The following MARCHF3 variants were observed in gnomAD, a reference collection of about 807,000 sequenced individuals.
MARCHF3 encodes membrane associated ring-CH-type finger 3, also known as E3 ubiquitin-protein ligase MARCHF3.
MARCHF3 carries 13 observed loss-of-function variants against 24.2 expected under a neutral mutation model. That is an observed-to-expected ratio of 0.54 (90% confidence interval 0.35 to 0.85). MARCHF3 has a LOEUF of 0.85. MARCHF3 is among the 40% of genes least tolerant of loss of function. MARCHF3 has a pLI of 0.01. For synonymous variants in MARCHF3, 144 were observed against 137.3 expected, an observed-to-expected ratio of 1.05 and a Z score of -0.34; for missense variants, 276 against 325.0, an observed-to-expected ratio of 0.85 and a Z score of 1.16.
intron 1 of MARCHF3, among the ~76,000 whole-genome samples, chr5:126,921,732 T>C (rs965957004): frequency 6.6e-6 from 1 of 152,204 alleles, no homozygotes; most frequent in Non-Finnish European, 1.5e-5. Context: ...ATGTGCAAAC[T>C]TAAAACATCA....
chr5:126,883,228 G>A (rs976842020), intron 3 of MARCHF3, among the ~76,000 whole-genome samples: 1 of 152,136 alleles, frequency 6.6e-6, no homozygotes, highest in African/African-American at 2.4e-5. Flanking sequence ...TAAAAGCCAA[G>A]GTCAATGATT....
intron 1 of MARCHF3, among the ~76,000 whole-genome samples, chr5:126,960,824 CTT>C (rs1293652180): frequency 2.0e-5 from 3 of 152,066 alleles, no homozygotes; most frequent in African/African-American, 7.2e-5. Context: ...TATATATCAT[CTT>C]GTTTCCACTG....
intron 1 of MARCHF3, among the ~76,000 whole-genome samples, chr5:126,957,457 T>C (rs1363232204): frequency 6.6e-6 from 1 of 152,226 alleles, no homozygotes; most frequent in Non-Finnish European, 1.5e-5. Flanking sequence ...CCTAGATTTT[T>C]CTATAGCTTT....
At chr5:126,984,166 A>G (rs967423466) in intron 1 of MARCHF3, among the ~76,000 whole-genome samples, 7 of 152,170 alleles carry the variant, frequency 4.6e-5, no homozygotes, top group African/African-American at 1.7e-4. Flanking sequence ...CCATTCCCTG[A>G]GAAGGCAATG....
At chr5:126,973,991 G>A (rs1251247694) in intron 1 of MARCHF3, among the ~76,000 whole-genome samples, 14 of 141,726 alleles carry the variant, frequency 9.9e-5, no homozygotes, top group East Asian at 8.9e-4. Context: ...TCCACTTCCC[G>A]GGTTCACGCC....
chr5:126,957,114 T>C (rs1750475342), intron 1 of MARCHF3, among the ~76,000 whole-genome samples: 2 of 152,200 alleles, frequency 1.3e-5, no homozygotes, highest in Admixed American at 6.5e-5. Context: ...TTAGTAAATA[T>C]ACATTAAGTA....
chr5:127,003,820 C>T (rs1197286225), intron 1 of MARCHF3, among the ~76,000 whole-genome samples: 1 of 152,206 alleles, frequency 6.6e-6, no homozygotes, highest in Non-Finnish European at 1.5e-5. Flanking sequence ...ATTTGTCGTA[C>T]ACAGTTGTGC....
chr5:126,914,865 G>A, intron 3 of MARCHF3, 65 bp downstream of exon 3: 1 of 1,531,288 alleles, frequency 6.5e-7, no homozygotes, highest in Non-Finnish European at 9.0e-7. Flanking sequence ...TTGTGATCCA[G>A]GCATAAAAAC....
At chr5:127,018,253 C>G (rs1315507445) in intron 1 of MARCHF3, among the ~76,000 whole-genome samples, 1 of 152,034 alleles carries the variant, frequency 6.6e-6, no homozygotes, top group African/African-American at 2.4e-5. Context: ...CGCCTGTAAT[C>G]CTAGCTGCTA....
intron 4 of MARCHF3, among the ~76,000 whole-genome samples, chr5:126,875,435 G>A (rs1413471781): frequency 3.3e-5 from 5 of 152,240 alleles, no homozygotes; most frequent in Non-Finnish European, 5.9e-5. Context: ...GCTCCTCTGA[G>A]GAGCCAGGCT....
At chr5:126,940,499 G>T (rs970056370) in intron 1 of MARCHF3, among the ~76,000 whole-genome samples, 1 of 152,036 alleles carries the variant, frequency 6.6e-6, no homozygotes, top group Admixed American at 6.6e-5. Flanking sequence ...CCGGGCTGGG[G>T]TGTAGTGGTG....
At chr5:126,880,777 C>G (rs773986735) in intron 3 of MARCHF3, among the ~76,000 whole-genome samples, 8 of 152,208 alleles carry the variant, frequency 5.3e-5, no homozygotes, top group Non-Finnish European at 7.4e-5. Flanking sequence ...CCTCATGGTT[C>G]AGGTTTTCCC....
intron 3 of MARCHF3, chr5:126,898,756 A>G (rs1429598884): frequency 1.6e-6 from 1 of 622,592 alleles, no homozygotes; most frequent in Non-Finnish European, 2.0e-6. Context: ...TATAAGTTAT[A>G]TTAGCCATTT....
chr5:126,912,427 A>G (rs980894474), intron 3 of MARCHF3, among the ~76,000 whole-genome samples: 2 of 152,348 alleles, frequency 1.3e-5, no homozygotes, highest in Non-Finnish European at 2.9e-5. Flanking sequence ...CGATTTTGAA[A>G]TTAAATGTTA....
intron 1 of MARCHF3, among the ~76,000 whole-genome samples, chr5:126,958,259 T>C (rs536023056): frequency 1.3e-5 from 2 of 152,154 alleles, no homozygotes; most frequent in African/African-American, 2.4e-5. Flanking sequence ...TGACAGGGAA[T>C]ATCTTTGTCT....
intron 1 of MARCHF3, among the ~76,000 whole-genome samples, chr5:126,975,757 C>T (rs77250460): frequency 0.014 from 2,063 of 152,290 alleles, 51 homozygotes; most frequent in African/African-American, 0.048. Context: ...GTGGGTGAAG[C>T]TAAAACCCAG....
In MARCHF3 at chr5:126,980,259, T is replaced by C. The variant is rs111649914; in HGVS notation, c.-57+50091A>G. Among the ~76,000 whole-genome samples, 897 of 152,286 alleles carry C rather than the reference T, an allele frequency of 5.9e-3. 10 individuals are homozygous for C. The highest frequency in any genetic ancestry group is 0.021 in the African/African-American group (873 of 41,556). ...GCCATGTGGGAGCCCTAATCCATTA[T>C]GAAGGGAATAGCCACTCCTTGGCCC... On this transcript the variant is annotated intron_variant, in intron 1 of 4. Transcript: ENST00000308660.
chr5:126,969,480 C>CA (rs1467877319), intron 1 of MARCHF3, among the ~76,000 whole-genome samples: 1 of 152,192 alleles, frequency 6.6e-6, no homozygotes, highest in Non-Finnish European at 1.5e-5. Context: ...TTTAAAAACA[C>CA]AGACTGTTAT....
chr5:126,887,901 T>C (rs1753555936), intron 3 of MARCHF3, among the ~76,000 whole-genome samples: 3 of 152,212 alleles, frequency 2.0e-5, no homozygotes. Context: ...CCATTATTCC[T>C]TCATAGCTTT....
Sources: gnomAD v4.1 joint callset for allele counts (sites outside exome capture counted in the v4.1 genomes callset) on GRCh38, gnomAD v4.1.1 for gene constraint, MANE v1.5 for transcripts, NCBI Gene and HGNC (gene_info 2026-07-23, HGNC 2026-07-21) for gene names.